RNF43: variants seen among roughly 807,000 people sequenced by gnomAD.
The protein encoded by RNF43 is ring finger protein 43.
In RNF43, 37 loss-of-function variants were observed where a neutral mutation model predicts 78.4. The ratio of observed to expected loss-of-function variants is 0.47; its 90% confidence interval spans 0.36 to 0.62. RNF43 has a LOEUF of 0.62. Ranked by LOEUF, RNF43 falls within the 20% of genes least tolerant of loss-of-function variation. The pLI is 0.00. For missense variants in RNF43, 774 were observed against 1,007.9 expected, an observed-to-expected ratio of 0.77 and a Z score of 3.14; for synonymous variants, 347 against 395.0, an observed-to-expected ratio of 0.88 and a Z score of 1.44.
rs201204271 is a variant in RNF43, at chr17:58,358,662, G to A, written c.1114C>T (p.Pro372Ser). ...SRSAVARPPR[P>S]GPFLPSQEPG... is the part of the protein sequence containing the mutation. ...TCCTGGGATGGCAGGAAGGGACCAG[G>A]TCGTGGGGGCCGAGCCACTGCACTC... Residue 372 changes from proline to serine, a missense_variant, in exon 9 of 10, where the codon CCT (proline) becomes TCT (serine). By Grantham distance (74) the Pro-to-Ser change is moderately conservative. Coordinates refer to ENST00000407977, the MANE Select transcript of RNF43 (RefSeq NM_017763.6). This position sits in a 1 kb window ranked among gnomAD's most constrained non-coding sequence, Gnocchi z 6.2. The A allele has an allele frequency of 4.0e-4, 610 of 1,527,690 alleles. No individual in the cohort carries two copies. Among genetic ancestry groups the A allele is most frequent in the Non-Finnish European group, 4.9e-4 (560 of 1,135,900 alleles). The allele number at this position is 1,527,690 out of a possible 1,614,324, so 94.6% of individuals were successfully genotyped here. A position where few individuals can be genotyped will look rare whatever the true frequency, so the allele number is the denominator to read the frequency against.
rs77499318 is a variant in RNF43 at position 58,362,634 on chromosome 17, C to T, written c.597G>A (p.Val199=). The T allele has an allele frequency of 1.2e-3, 1,873 of 1,611,014 alleles. 26 individuals are homozygous for T. In the East Asian group the frequency reaches 0.025, roughly 22 times the overall value. Residue 199 remains valine, a synonymous_variant, in exon 6 of 10, where the codon GTG becomes GTA. Coordinates refer to ENST00000407977, the MANE Select transcript of RNF43 (RefSeq NM_017763.6). ...KEPPAWPDYD[V]WILMTVVGTI... Reference sequence around the variant, plus strand: ...TGCCCACCACTGTCATTAGGATCCACACATCATAATCTGGCTGGGGAGTGA... The same window carrying T: ...TGCCCACCACTGTCATTAGGATCCATACATCATAATCTGGCTGGGGAGTGA...
chr17:58,362,535 A>G lies in RNF43; in HGVS notation c.687+9T>C, dbSNP rs774997195. The G allele has an allele frequency of 1.1e-5, 18 of 1,602,732 alleles. No individual in the cohort carries two copies. The South Asian group carries it at 1.2e-4, about 11-fold the overall frequency. ...CGTTCACCGCCGCCAAAGACCCCAC[A>G]CTGCTCACCGGCCTGCTGTGGCGGG... On this transcript the variant is annotated intron_variant, in intron 6 of 9. Transcript: ENST00000407977.
chr17:58,396,861 C>A (rs1024684533), intron 2 of RNF43, among the ~76,000 whole-genome samples: 1 of 152,068 alleles, frequency 6.6e-6, no homozygotes, highest in African/African-American at 2.4e-5. Flanking sequence ...ATAGTAGTTG[C>A]TTTTGTATAA....
intron 2 of RNF43, among the ~76,000 whole-genome samples, chr17:58,380,328 T>C (rs894153055): frequency 4.6e-5 from 7 of 152,180 alleles, no homozygotes; most frequent in African/African-American, 1.4e-4. Flanking sequence ...AGGGGTAATA[T>C]CTAATTCCCA....
intron 2 of RNF43, among the ~76,000 whole-genome samples, chr17:58,387,768 C>T (rs865908834): frequency 3.3e-5 from 5 of 152,104 alleles, no homozygotes; most frequent in African/African-American, 7.2e-5. Flanking sequence ...CAAAAAGTTC[C>T]GAATAGTTCT....
intron 2 of RNF43, among the ~76,000 whole-genome samples, chr17:58,401,171 T>TACCAAATGA (rs146009132): frequency 1.5e-3 from 236 of 152,322 alleles, no homozygotes; most frequent in African/African-American, 5.6e-3. Context: ...AAATAATAAT[T>TACCAAATGA]ACCAAATGAT....
Position 58,354,413 on chromosome 17 carries a change from A to G in RNF43, c.*530T>C. The stretch of plus-strand genomic sequence containing the variant: ...TATGCTACTGGTCCTTTTGGCAAAA[A>G]AGGAAAATGATAGAGCCAGGGTTGC... On this transcript the variant is annotated 3_prime_UTR_variant, in exon 10 of 10. Coordinates refer to ENST00000407977, the MANE Select transcript of RNF43 (RefSeq NM_017763.6). 4.3e-6 allele frequency: 1 copy of G among 231,458 alleles called. No individual in the cohort carries two copies. The allele number at this position is 231,458 out of a possible 1,614,324, so 14.3% of individuals were successfully genotyped here. A position where few individuals can be genotyped will look rare whatever the true frequency, so the allele number is the denominator to read the frequency against.
intron 2 of RNF43, among the ~76,000 whole-genome samples, chr17:58,388,686 G>T (rs1462516309): frequency 7.7e-6 from 1 of 129,866 alleles, no homozygotes; most frequent in African/African-American, 3.3e-5. Context: ...AAAGCCAATA[G>T]GTCCTACAGG....
At chr17:58,398,507 G>C (rs556730116) in intron 2 of RNF43, among the ~76,000 whole-genome samples, 1 of 152,124 alleles carries the variant, frequency 6.6e-6, no homozygotes, top group African/African-American at 2.4e-5. Flanking sequence ...TGGTTCTGGG[G>C]TAAGGTACAG....
At chr17:58,391,325 A>G (rs931027900) in intron 2 of RNF43, among the ~76,000 whole-genome samples, 1 of 152,180 alleles carries the variant, frequency 6.6e-6, no homozygotes, top group Non-Finnish European at 1.5e-5. Context: ...CCTCTCCACC[A>G]CTACCCCCAT....
intron 3 of RNF43, among the ~76,000 whole-genome samples, chr17:58,369,398 C>T (rs182944707): frequency 2.0e-5 from 3 of 152,340 alleles, no homozygotes; most frequent in Admixed American, 2.0e-4. Context: ...AGAATCCTGC[C>T]CACATCCCTG....
At position 58,358,540 on chromosome 17, in the gene RNF43, A is replaced by G. The variant is rs2143419063; in HGVS notation, c.1236T>C (p.Tyr412=). 1 of 1,612,710 alleles carries G rather than the reference A, an allele frequency of 6.2e-7. No homozygotes were observed. The highest frequency in any genetic ancestry group is 8.5e-7 in the Non-Finnish European group (1 of 1,179,260). Residue 412 remains tyrosine (Y), a synonymous_variant, in exon 9 of 10, where the codon TAT becomes TAC. Coordinates refer to ENST00000407977, the MANE Select transcript of RNF43 (RefSeq NM_017763.6). This position sits in a 1 kb window ranked among gnomAD's most constrained non-coding sequence, Gnocchi z 6.2. ...GGTGGCTCAGTCCCCAGCCTTGTGC[A>G]TAGGGGTGCTGGGCTCCTGCCAGGC... ...QQRLAGAQHP[Y]AQGWGLSHLQ... is the part of the protein sequence containing the mutation.
intron 5 of RNF43, 81 bp downstream of exon 5, chr17:58,363,194 T>C: frequency 6.5e-7 from 1 of 1,545,070 alleles, no homozygotes; most frequent in Admixed American, 1.8e-5. Flanking sequence ...GCTCCAGGAG[T>C]CTAAGGGCTT....
intron 2 of RNF43, among the ~76,000 whole-genome samples, chr17:58,389,082 T>C (rs529573867): frequency 2.6e-5 from 4 of 152,110 alleles, no homozygotes; most frequent in Non-Finnish European, 5.9e-5. Context: ...GCAGAGCAAT[T>C]TAATAGCAGA....
intron 3 of RNF43, among the ~76,000 whole-genome samples, chr17:58,370,060 G>GTTGT (rs1555633935): frequency 8.3e-5 from 8 of 96,236 alleles, no homozygotes; most frequent in Admixed American, 3.2e-4. Flanking sequence ...GAAAATCTGA[G>GTTGT]TTTTTTTTTT....
chr17:58,406,549 A>G (rs1028336490), intron 2 of RNF43, among the ~76,000 whole-genome samples: 13 of 152,240 alleles, frequency 8.5e-5, no homozygotes, highest in African/African-American at 3.1e-4. Context: ...ATTCCAATAT[A>G]GAGCCAATAC....
At position 58,357,852 on chromosome 17, in the gene RNF43, A is replaced by G. The variant is rs750166348; in HGVS notation, c.1924T>C (p.Leu642=). The change falls in exon 9 of 10, where the codon TTG becomes CTG. Residue 642 remains leucine (L), a synonymous_variant. Coordinates refer to ENST00000407977, the MANE Select transcript of RNF43 (RefSeq NM_017763.6). This position sits in a 1 kb window ranked among gnomAD's most constrained non-coding sequence, Gnocchi z 4.5. ...CGGGCAGAGAGGCTGGATTTTTGCA[A>G]GTTGAACAGACTGCTGGTACTGGGG... The part of the protein sequence containing the change: ...ICPSTSSLFN[L]QKSSLSARHP... 6.2e-7 allele frequency: 1 copy of G among 1,613,968 alleles called. No individual in the cohort carries two copies. Among genetic ancestry groups the G allele is most frequent in the South Asian group, 1.1e-5 (1 of 91,070 alleles).
chr17:58,353,849 A>G lies in RNF43; in HGVS notation c.*1094T>C, dbSNP rs1972622833. 2 of 192,976 alleles carry G rather than the reference A, an allele frequency of 1.0e-5. No individual in the cohort carries two copies. The highest frequency in any genetic ancestry group is 2.2e-5 in the Non-Finnish European group (2 of 92,064). 12.0% of individuals were successfully genotyped at this position (192,976 alleles called of 1,614,324 possible). A position where few individuals can be genotyped will look rare whatever the true frequency, so the allele number is the denominator to read the frequency against. On this transcript the variant is annotated 3_prime_UTR_variant, in exon 10 of 10. Transcript: ENST00000407977. ...CTCTGCCCACTTTGCCACCACATTC[A>G]CATTCCAAATGGGATAATGCCTGAG...
At chr17:58,378,139 G>T (rs1311039906) in intron 2 of RNF43, among the ~76,000 whole-genome samples, 1 of 152,218 alleles carries the variant, frequency 6.6e-6, no homozygotes, top group Non-Finnish European at 1.5e-5. Flanking sequence ...GGAACCTCAA[G>T]ACCTCTTTCA....
Sources: allele counts gnomAD v4.1 joint callset (sites outside exome capture counted in the v4.1 genomes callset), GRCh38; gene constraint gnomAD v4.1.1; non-coding constraint Gnocchi (gnomAD v3.1); transcripts MANE v1.5; gene names NCBI Gene and HGNC (gene_info 2026-07-23, HGNC 2026-07-21).